The following EPHB1 variants were observed in gnomAD, a reference collection of about 807,000 sequenced individuals.
The protein encoded by EPHB1 is EPH receptor B1, also known as ephrin type-B receptor 1.
A neutral mutation model predicts 94.4 loss-of-function variants in EPHB1; 30 were observed. That is an observed-to-expected ratio of 0.32 (90% CI 0.24 to 0.43). The LOEUF (loss-of-function observed/expected upper bound fraction) is 0.43. EPHB1 is among the 20% of genes least tolerant of loss of function. The pLI is 1.00. For synonymous variants in EPHB1, 522 were observed against 489.1 expected (o/e 1.07, Z -0.89); for missense variants, 1,055 against 1,308.3 (o/e 0.81, Z 2.99).
chr3:135,019,885 C>A (rs1422441372), intron 3 of EPHB1, among the ~76,000 whole-genome samples: 1 of 152,116 alleles, frequency 6.6e-6, no homozygotes, highest in Non-Finnish European at 1.5e-5. Flanking sequence ...CACTTTTGTG[C>A]TTATTTCTTT....
At chr3:135,205,603 TC>T (rs1942880574) in intron 12 of EPHB1, among the ~76,000 whole-genome samples, 1 of 152,220 alleles carries the variant, frequency 6.6e-6, no homozygotes, top group Non-Finnish European at 1.5e-5. Context: ...TATTTATTTT[TC>T]CCACATTTTA....
At chr3:135,254,340 G>T (rs546206409) in intron 15 of EPHB1, among the ~76,000 whole-genome samples, 91 of 76,740 alleles carry the variant, frequency 1.2e-3, no homozygotes, top group African/African-American at 3.9e-3. Context: ...GTATGATATT[G>T]GCTGTGGGTT....
intron 1 of EPHB1, among the ~76,000 whole-genome samples, chr3:134,802,017 G>C (rs1344421794): frequency 6.6e-6 from 1 of 152,224 alleles, no homozygotes; most frequent in African/African-American, 2.4e-5. Flanking sequence ...TGCACAGTTA[G>C]CTCTGTCCTT....
chr3:135,106,057 T>C (rs1242594623), intron 3 of EPHB1, among the ~76,000 whole-genome samples: 1 of 152,168 alleles, frequency 6.6e-6, no homozygotes, highest in African/African-American at 2.4e-5. Flanking sequence ...TGAGATGTCT[T>C]TAGTGAGTGG....
At chr3:134,797,015 G>C (rs2035842939) in intron 1 of EPHB1, among the ~76,000 whole-genome samples, 1 of 152,238 alleles carries the variant, frequency 6.6e-6, no homozygotes. Flanking sequence ...GGGGCATTCC[G>C]GGCCCTGAGG....
At chr3:135,073,414 A>G (rs1480173225) in intron 3 of EPHB1, among the ~76,000 whole-genome samples, 1 of 152,242 alleles carries the variant, frequency 6.6e-6, no homozygotes, top group Non-Finnish European at 1.5e-5. Flanking sequence ...ACTCACTTTT[A>G]CCCATCATTC....
At chr3:135,050,745 T>A (rs1441005464) in intron 3 of EPHB1, among the ~76,000 whole-genome samples, 1 of 152,142 alleles carries the variant, frequency 6.6e-6, no homozygotes, top group Non-Finnish European at 1.5e-5. Flanking sequence ...TAAAAGAATG[T>A]GGCACCTCCC....
chr3:134,897,421 G>A (rs2038108986), intron 1 of EPHB1, among the ~76,000 whole-genome samples: 2 of 152,188 alleles, frequency 1.3e-5, no homozygotes, highest in African/African-American at 4.8e-5. Flanking sequence ...CCTCAGTGCA[G>A]GCCAGCAAAG....
At chr3:134,896,458 C>A (rs1266263659) in intron 1 of EPHB1, among the ~76,000 whole-genome samples, 2 of 152,178 alleles carry the variant, frequency 1.3e-5, no homozygotes, top group Non-Finnish European at 2.9e-5. Flanking sequence ...CGGTGAGCAC[C>A]CAATAATGGT....
chr3:135,245,050 A>C (rs532489917), intron 13 of EPHB1, among the ~76,000 whole-genome samples: 1 of 152,352 alleles, frequency 6.6e-6, no homozygotes, highest in South Asian at 2.1e-4. Context: ...TACCCTGAAA[A>C]GTGAGAAAAG....
At chr3:135,022,019 G>A (rs1422340013) in intron 3 of EPHB1, among the ~76,000 whole-genome samples, 5 of 152,068 alleles carry the variant, frequency 3.3e-5, no homozygotes, top group East Asian at 1.9e-4. Context: ...TCGCTCTGTC[G>A]CCCAGGCTGG....
chr3:135,155,787 CA>C (rs35095229), intron 6 of EPHB1, among the ~76,000 whole-genome samples: 3,679 of 59,354 alleles, frequency 0.062, 105 homozygotes, highest in African/African-American at 0.21. Context: ...AAGACTTTGT[CA>C]AAAAAAAAAA....
intron 15 of EPHB1, among the ~76,000 whole-genome samples, chr3:135,252,045 A>G (rs981524077): frequency 2.6e-5 from 4 of 152,054 alleles, no homozygotes; most frequent in Non-Finnish European, 5.9e-5. Context: ...ATTATAAATA[A>G]TAATGCCCAT....
At chr3:134,882,799 TTTC>T (rs1296236499) in intron 1 of EPHB1, among the ~76,000 whole-genome samples, 12 of 73,012 alleles carry the variant, frequency 1.6e-4, no homozygotes, top group Non-Finnish European at 3.4e-4. Context: ...TCTTTCTTTC[TTTC>T]TTTCTTTCTT....
intron 3 of EPHB1, among the ~76,000 whole-genome samples, chr3:135,038,875 G>A (rs572233010): frequency 1.3e-5 from 2 of 152,318 alleles, no homozygotes; most frequent in South Asian, 2.1e-4. Context: ...GGCTCCAGCA[G>A]CCTGCTTTTA....
chr3:134,995,268 C>A (rs1934952557), intron 3 of EPHB1, among the ~76,000 whole-genome samples: 1 of 152,106 alleles, frequency 6.6e-6, no homozygotes, highest in Admixed American at 6.5e-5. Context: ...TTTCACTCAA[C>A]ATAATCTCAA....
chr3:135,088,781 C>T (rs1938453582), intron 3 of EPHB1, among the ~76,000 whole-genome samples: 1 of 152,056 alleles, frequency 6.6e-6, no homozygotes, highest in Non-Finnish European at 1.5e-5. Flanking sequence ...TGGGAATGTC[C>T]CATATGGTAG....
chr3:135,113,320 C>T (rs928011655), intron 4 of EPHB1, among the ~76,000 whole-genome samples: 5 of 152,252 alleles, frequency 3.3e-5, no homozygotes, highest in African/African-American at 1.2e-4. Flanking sequence ...TCTACAATTT[C>T]TTTTCATAGT....
At chr3:134,796,854 C>A (rs1345871544) in intron 1 of EPHB1, among the ~76,000 whole-genome samples, 2 of 152,256 alleles carry the variant, frequency 1.3e-5, no homozygotes, top group African/African-American at 4.8e-5. Flanking sequence ...TCTTGGCGAC[C>A]GCGCAGCGTT....
Sources: allele counts gnomAD v4.1 joint callset (sites outside exome capture counted in the v4.1 genomes callset), GRCh38; gene constraint gnomAD v4.1.1; transcripts MANE v1.5; gene names NCBI Gene and HGNC (gene_info 2026-07-23, HGNC 2026-07-21).